The following FAM81A variants were observed in gnomAD, a reference collection of about 807,000 sequenced individuals.
The protein encoded by FAM81A is protein FAM81A.
A neutral mutation model predicts 46.7 loss-of-function variants in FAM81A; 19 were observed. That is an observed-to-expected ratio of 0.41 (90% confidence interval 0.28 to 0.60). The LOEUF (loss-of-function observed/expected upper bound fraction) is 0.60, where lower values mean the gene tolerates loss of function less well. Among genes scored for constraint, FAM81A ranks in the 20% least tolerant of loss-of-function variants. FAM81A has a pLI of 0.34. For missense variants in FAM81A, 377 were observed against 453.5 expected, an observed-to-expected ratio of 0.83 and a Z score of 1.53; for synonymous variants, 183 against 152.9, an observed-to-expected ratio of 1.20 and a Z score of -1.45.
intron 3 of FAM81A, among the ~76,000 whole-genome samples, chr15:59,473,838 C>CTTTAT (rs1296736535): frequency 3.3e-5 from 5 of 152,282 alleles, no homozygotes; most frequent in Non-Finnish European, 7.4e-5. Flanking sequence ...GCCAGAACCA[C>CTTTAT]TTTATTTTAT....
intron 7 of FAM81A, 86 bp from the exon 8 acceptor site, chr15:59,516,559 G>A (rs1472571517): frequency 7.4e-6 from 10 of 1,346,284 alleles, no homozygotes; most frequent in East Asian, 2.4e-5. Flanking sequence ...CTTGCAGATT[G>A]TTGTTAAACG....
At chr15:59,413,941 C>T (rs192321593) in intron 2 of FAM81A, among the ~76,000 whole-genome samples, 79 of 152,168 alleles carry the variant, frequency 5.2e-4, no homozygotes, top group Non-Finnish European at 7.9e-4. Context: ...CTCCCAAAGA[C>T]GTCCACATTC....
intron 5 of FAM81A, among the ~76,000 whole-genome samples, chr15:59,508,589 C>T (rs149827989): frequency 5.7e-4 from 86 of 152,176 alleles, no homozygotes; most frequent in African/African-American, 2.0e-3. Context: ...AAGTTGCGGT[C>T]TTGGGTAGGA....
At chr15:59,502,394 T>C (rs1324315328) in intron 4 of FAM81A, among the ~76,000 whole-genome samples, 1 of 151,810 alleles carries the variant, frequency 6.6e-6, no homozygotes, top group Admixed American at 6.6e-5. Flanking sequence ...TGTGTTCTCA[T>C]TGTTCAATTC....
intron 4 of FAM81A, among the ~76,000 whole-genome samples, chr15:59,493,671 T>G (rs929368586): frequency 2.8e-4 from 43 of 152,060 alleles, no homozygotes; most frequent in African/African-American, 9.9e-4. Flanking sequence ...CACTGCAACC[T>G]CCGCCTCCTG....
At chr15:59,462,537 C>G (rs2081565142) in intron 3 of FAM81A, among the ~76,000 whole-genome samples, 1 of 152,078 alleles carries the variant, frequency 6.6e-6, no homozygotes, top group Non-Finnish European at 1.5e-5. Context: ...CCATTTTAAC[C>G]ATTTTAAGTG....
intron 2 of FAM81A, among the ~76,000 whole-genome samples, chr15:59,428,413 ATATTATTATTATTAT>A (rs143696862): frequency 0.31 from 43,236 of 140,562 alleles, 7,763 homozygotes; most frequent in Non-Finnish European, 0.39. Context: ...ATTCTTTTTG[ATATTATTATTATTAT>A]TATTATTATT....
intron 2 of FAM81A, among the ~76,000 whole-genome samples, chr15:59,459,616 G>T (rs796571781): frequency 2.0e-4 from 30 of 152,160 alleles, no homozygotes; most frequent in African/African-American, 6.3e-4. Flanking sequence ...GAGCATGTTA[G>T]GAGACTTTGT....
chr15:59,440,051 G>T (rs2081280965), intron 1 of FAM81A: 1 of 152,206 alleles, frequency 6.6e-6, no homozygotes, highest in South Asian at 2.1e-4. Flanking sequence ...CCAGAGTAGG[G>T]ATGCTCTTCC....
upstream of FAM81A, among the ~76,000 whole-genome samples, chr15:59,435,493 G>A (rs1432827591): frequency 1.3e-5 from 2 of 151,926 alleles, no homozygotes; most frequent in African/African-American, 2.4e-5. Flanking sequence ...GGTGGCGTAC[G>A]TCTGTAGTCC....
chr15:59,506,278 C>G (rs1327660798), intron 4 of FAM81A, among the ~76,000 whole-genome samples: 1 of 152,050 alleles, frequency 6.6e-6, no homozygotes, highest in Non-Finnish European at 1.5e-5. Flanking sequence ...CTCAGCCTCC[C>G]AAGCAGCAGG....
chr15:59,429,847 G>GT (rs1300233645), intron 2 of FAM81A, among the ~76,000 whole-genome samples: 4 of 152,166 alleles, frequency 2.6e-5, no homozygotes, highest in African/African-American at 9.7e-5. Flanking sequence ...AATTTCTGAT[G>GT]TAATAGATGT....
At chr15:59,404,575 C>T (rs371755982) in intron 2 of FAM81A, among the ~76,000 whole-genome samples, 25 of 152,308 alleles carry the variant, frequency 1.6e-4, no homozygotes, top group African/African-American at 5.5e-4. Flanking sequence ...GTCCTCCTAC[C>T]TCAGCCTCCT....
intron 1 of FAM81A, among the ~76,000 whole-genome samples, chr15:59,456,025 C>T (rs992026831): frequency 3.9e-5 from 6 of 152,068 alleles, no homozygotes; most frequent in East Asian, 1.9e-4. Context: ...CTGTAAGGAG[C>T]GTGTCATTTA....
At chr15:59,479,113 T>C (rs1596508878) in intron 3 of FAM81A, among the ~76,000 whole-genome samples, 3 of 152,216 alleles carry the variant, frequency 2.0e-5, no homozygotes, top group South Asian at 4.1e-4. Flanking sequence ...CTGCACACTT[T>C]AGTGGGGTGT....
At chr15:59,424,983 C>A (rs1371381844) in intron 2 of FAM81A, among the ~76,000 whole-genome samples, 9 of 152,302 alleles carry the variant, frequency 5.9e-5, no homozygotes, top group Non-Finnish European at 1.5e-5. Flanking sequence ...CTATTTACTG[C>A]AACTTTCAAA....
At chr15:59,478,676 A>T (rs1225960923) in intron 3 of FAM81A, among the ~76,000 whole-genome samples, 2 of 152,162 alleles carry the variant, frequency 1.3e-5, no homozygotes, top group African/African-American at 4.8e-5. Context: ...TACCCACTAG[A>T]TGTGGCGTGT....
chr15:59,520,318 T>C (rs1273290627), intron 8 of FAM81A, among the ~76,000 whole-genome samples: 1 of 152,196 alleles, frequency 6.6e-6, no homozygotes, highest in African/African-American at 2.4e-5. Context: ...TTTGTCTTTT[T>C]GATAATAGCC....
chr15:59,425,302 C>T (rs180937302), intron 2 of FAM81A, among the ~76,000 whole-genome samples: 1 of 152,236 alleles, frequency 6.6e-6, no homozygotes, highest in East Asian at 1.9e-4. Context: ...ATGACTTACC[C>T]CAAATCATCG....
Sources: gnomAD v4.1 joint callset for allele counts (sites outside exome capture counted in the v4.1 genomes callset) on GRCh38, gnomAD v4.1.1 for gene constraint, MANE v1.5 for transcripts, NCBI Gene and HGNC (gene_info 2026-07-23, HGNC 2026-07-21) for gene names.